PPFIBP2: variants seen among roughly 807,000 people sequenced by gnomAD.
The protein encoded by PPFIBP2 is liprin-beta-2.
Under a neutral mutation model 118.3 loss-of-function variants are expected in PPFIBP2, and 118 were observed. That is an observed-to-expected ratio of 1.00 (90% CI 0.86 to 1.16). The LOEUF is 1.16. Ranked by LOEUF, PPFIBP2 falls within the 50% of genes most tolerant of loss-of-function variation. The pLI is 0.00. For synonymous variants in PPFIBP2, 414 were observed against 397.4 expected, an observed-to-expected ratio of 1.04 and a Z score of -0.50; for missense variants, 1,195 against 1,073.1, an observed-to-expected ratio of 1.11 and a Z score of -1.59.
chr11:7,633,482 C>A (rs1851049458), intron 12 of PPFIBP2, among the ~76,000 whole-genome samples: 1 of 152,172 alleles, frequency 6.6e-6, no homozygotes, highest in Non-Finnish European at 1.5e-5. Context: ...CGTACTTCAG[C>A]ACACATTTTG....
At chr11:7,515,254 G>T (rs981068129) in intron 1 of PPFIBP2, among the ~76,000 whole-genome samples, 3 of 152,120 alleles carry the variant, frequency 2.0e-5, no homozygotes, top group African/African-American at 7.2e-5. Context: ...TTCACTGATT[G>T]CATTTATCCA....
Position 7,653,596 on chromosome 11 carries a change from G to T in PPFIBP2, c.*378G>T. 3.8e-6 allele frequency: 5 copies of T among 1,300,694 alleles called. No homozygotes were observed. Among genetic ancestry groups the T allele is most frequent in the Non-Finnish European group, 5.0e-6 (5 of 996,746 alleles). The allele number at this position is 1,300,694 out of a possible 1,614,324, so 80.6% of individuals were successfully genotyped here. A position where few individuals can be genotyped will look rare whatever the true frequency, so the allele number is the denominator to read the frequency against. The stretch of plus-strand genomic sequence containing the variant: ...CAGGCACCCCCTACACTTCAGTTGA[G>T]GGAAAAGCTCAAGTGCCTTAGGCCC... On this transcript the variant is annotated 3_prime_UTR_variant, in exon 24 of 24. Transcript: ENST00000299492.
At position 7,633,023 on chromosome 11, in the gene PPFIBP2, G is replaced by T. The variant is rs922697009; in HGVS notation, c.1136+89G>T. 1.3e-5 allele frequency: 16 copies of T among 1,218,792 alleles called. No individual in the cohort carries two copies. The African/African-American group carries it at 2.2e-4, about 17-fold the overall frequency. 75.5% of individuals were successfully genotyped at this position (1,218,792 alleles called of 1,614,324 possible). A position where few individuals can be genotyped will look rare whatever the true frequency, so the allele number is the denominator to read the frequency against. On this transcript the variant is annotated intron_variant, in intron 12 of 23. Transcript: ENST00000299492. The stretch of plus-strand genomic sequence containing the variant: ...GTAGATGGTGATGACCGTGAATGGT[G>T]AGCATGGCCACTGAGTCCTAGGTGC...
chr11:7,603,347 T>C (rs916158190), intron 5 of PPFIBP2, among the ~76,000 whole-genome samples: 1 of 152,164 alleles, frequency 6.6e-6, no homozygotes, highest in Non-Finnish European at 1.5e-5. Context: ...AGAGAGATGA[T>C]TGAGTTAGTG....
chr11:7,636,285 T>G (rs1851438461), intron 14 of PPFIBP2, among the ~76,000 whole-genome samples: 2 of 86,916 alleles, frequency 2.3e-5, no homozygotes, highest in African/African-American at 1.6e-4. Flanking sequence ...TTTTATATTT[T>G]CACGGTAAAA....
chr11:7,549,627 G>A (rs61890213), intron 2 of PPFIBP2, 88 bp downstream of exon 2: 5 of 1,129,950 alleles, frequency 4.4e-6, no homozygotes, highest in African/African-American at 4.5e-5. Flanking sequence ...TTTTTTTTTG[G>A]CATAGAGAAA....
At chr11:7,545,885 C>T (rs1199992121) in intron 1 of PPFIBP2, among the ~76,000 whole-genome samples, 1 of 152,202 alleles carries the variant, frequency 6.6e-6, no homozygotes, top group African/African-American at 2.4e-5. Context: ...TCCCAATCCT[C>T]CCGACTCCTA....
At chr11:7,599,797 A>ATTT (rs1200161212) in intron 5 of PPFIBP2, among the ~76,000 whole-genome samples, 20 of 117,382 alleles carry the variant, frequency 1.7e-4, no homozygotes, top group South Asian at 2.9e-4. Context: ...CGCCCGGCTA[A>ATTT]TTTTTTTTTT....
intron 6 of PPFIBP2, chr11:7,617,021 C>T (rs1848735183): frequency 1.5e-6 from 1 of 673,240 alleles, no homozygotes; most frequent in African/African-American, 2.0e-5. Flanking sequence ...GCCCCATGCA[C>T]ACTTCCTCTG....
intron 4 of PPFIBP2, chr11:7,597,233 G>A: frequency 4.6e-6 from 7 of 1,526,346 alleles, no homozygotes; most frequent in East Asian, 4.9e-5. Flanking sequence ...TGAGGTCGGG[G>A]CTGTTCTGGA....
intron 1 of PPFIBP2, among the ~76,000 whole-genome samples, chr11:7,531,899 G>C (rs187006888): frequency 1.4e-3 from 213 of 151,982 alleles, no homozygotes; most frequent in Middle Eastern, 6.8e-3. Flanking sequence ...GCAGTGGCAC[G>C]ATCTTGGCTC....
At chr11:7,628,544 G>A (rs185163686) in intron 9 of PPFIBP2, among the ~76,000 whole-genome samples, 198 bp downstream of exon 9, 1 of 152,272 alleles carries the variant, frequency 6.6e-6, no homozygotes, top group East Asian at 1.9e-4. Flanking sequence ...TGGAAAGTTT[G>A]TCTAAATGGA....
chr11:7,530,509 G>A (rs1053839736), intron 1 of PPFIBP2, among the ~76,000 whole-genome samples: 3 of 152,142 alleles, frequency 2.0e-5, no homozygotes, highest in Non-Finnish European at 4.4e-5. Flanking sequence ...TTATAAAGAG[G>A]CCCCAGAGAA....
the PPFIBP2 span, chr11:7,665,607 G>A: frequency 9.9e-6 from 15 of 1,514,178 alleles, no homozygotes; most frequent in South Asian, 1.3e-5. Flanking sequence ...CTGATCCCAG[G>A]CCGCCTGCAC....
At chr11:7,665,440 G>C in the PPFIBP2 span, 3 of 1,613,334 alleles carry the variant, frequency 1.9e-6, no homozygotes, top group Admixed American at 1.7e-5. Context: ...CCGCCGTCTG[G>C]ATTAGTGGTG....
In PPFIBP2 at chr11:7,577,320, CGTGTGTGTGT is replaced by C. The variant is rs148907232; in HGVS notation, c.279+11576_279+11585del. ...TGGTGCGTGTGCGTGCATGTATGTG[CGTGTGTGTGT>C]GTGTGTGTGTGTGTGTGTGTGTTTG... is the stretch of plus-strand genomic sequence containing the variant. On this transcript the variant is annotated intron_variant, in intron 3 of 23. Coordinates refer to ENST00000299492, the MANE Select transcript of PPFIBP2 (RefSeq NM_003621.5). 877 of 219,786 alleles carry C rather than the reference CGTGTGTGTGT, an allele frequency of 4.0e-3. 9 individuals carry two copies. Among genetic ancestry groups the C allele is most frequent in the African/African-American group, 0.021 (731 of 35,024 alleles). 13.6% of individuals were successfully genotyped at this position (219,786 alleles called of 1,614,324 possible).
chr11:7,602,117 G>A (rs1255329469), intron 5 of PPFIBP2, among the ~76,000 whole-genome samples: 1 of 145,962 alleles, frequency 6.9e-6, no homozygotes, highest in Non-Finnish European at 1.5e-5. Flanking sequence ...AAAAAGAAGA[G>A]TCATTTCTCA....
rs781725654 is a variant in PPFIBP2 at position 7,651,774 on chromosome 11, C to T, written c.2366C>T (p.Ala789Val). The change falls in exon 23 of 24, where the codon GCT becomes GTT. Residue 789 changes from alanine (A) to valine (V), a missense_variant. Coordinates refer to ENST00000299492, the MANE Select transcript of PPFIBP2 (RefSeq NM_003621.5). Reference sequence around the variant, plus strand: ...TTCAATGCCTTGATTGGTCCGGAGGCTGAACAGGAGAAGCGAGAGAAAATG... The same window carrying T: ...TTCAATGCCTTGATTGGTCCGGAGGTTGAACAGGAGAAGCGAGAGAAAATG... Reference protein sequence around the residue: ...TKFNALIGPEAEQEKREKMAS... With the variant: ...TKFNALIGPEVEQEKREKMAS... 6.2e-7 allele frequency: 1 copy of T among 1,614,090 alleles called. No homozygotes were observed. The highest frequency in any genetic ancestry group is 2.2e-5 in the East Asian group (1 of 44,868).
intron 3 of PPFIBP2, among the ~76,000 whole-genome samples, chr11:7,569,519 G>T (rs1855415064): frequency 2.0e-5 from 3 of 152,184 alleles, no homozygotes; most frequent in African/African-American, 7.2e-5. Context: ...GGCCTCAGTG[G>T]GGCAAGGAAC....
Sources: allele counts gnomAD v4.1 joint callset (sites outside exome capture counted in the v4.1 genomes callset), GRCh38; gene constraint gnomAD v4.1.1; transcripts MANE v1.5; gene names NCBI Gene and HGNC (gene_info 2026-07-23, HGNC 2026-07-21).